The following SETD3 variants were observed in gnomAD, a reference collection of about 807,000 sequenced individuals.
SETD3 encodes actin-histidine N-methyltransferase.
SETD3 carries 19 observed loss-of-function variants against 63.0 expected under a neutral mutation model. The observed-to-expected ratio is 0.30, with a 90% CI of 0.21 to 0.44. The LOEUF (loss-of-function observed/expected upper bound fraction) is 0.44, where lower values mean the gene tolerates loss of function less well. Among genes scored for constraint, SETD3 ranks in the 20% least tolerant of loss-of-function variants. The pLI is 1.00. For synonymous variants in SETD3, 286 were observed against 264.1 expected (o/e 1.08, Z -0.80); for missense variants, 587 against 728.5 (o/e 0.81, Z 2.24).
upstream of SETD3, among the ~76,000 whole-genome samples, chr14:99,483,762 G>A (rs1304038802): frequency 1.3e-5 from 2 of 152,242 alleles, no homozygotes; most frequent in Non-Finnish European, 1.5e-5. Flanking sequence ...TACCAAACCC[G>A]AAATGTTGAT....
At chr14:99,404,398 G>A in intron 10 of SETD3, 88 bp from the exon 11 acceptor site, 2 of 1,183,818 alleles carry the variant, frequency 1.7e-6, no homozygotes, top group Non-Finnish European at 2.5e-6. Context: ...CAGCACGTGT[G>A]GTTGTCCTCA....
At chr14:99,430,451 T>A (rs1453320134) in intron 6 of SETD3, among the ~76,000 whole-genome samples, 5 of 152,228 alleles carry the variant, frequency 3.3e-5, no homozygotes, top group Non-Finnish European at 7.3e-5. Flanking sequence ...AATAATTTCA[T>A]GTTTTTAAAA....
intron 1 of SETD3, among the ~76,000 whole-genome samples, chr14:99,466,618 CGGGGG>C (rs33981608): frequency 1.7e-3 from 258 of 149,006 alleles, no homozygotes; most frequent in African/African-American, 5.9e-3. Context: ...TGAAGAATGG[CGGGGG>C]GGGGGGGGGG....
intron 6 of SETD3, among the ~76,000 whole-genome samples, chr14:99,417,524 T>C (rs1487306431): frequency 6.6e-6 from 1 of 152,244 alleles, no homozygotes; most frequent in Non-Finnish European, 1.5e-5. Flanking sequence ...ATGCAAATGT[T>C]CCAGGGTGAT....
At chr14:99,462,072 G>A (rs1407294807) in intron 3 of SETD3, among the ~76,000 whole-genome samples, 2 of 152,146 alleles carry the variant, frequency 1.3e-5, no homozygotes, top group Non-Finnish European at 2.9e-5. Flanking sequence ...GAAAATGTGA[G>A]GCTTTGGCTG....
At position 99,409,808 on chromosome 14, in the gene SETD3, G is replaced by T. The variant is rs117357445; in HGVS notation, c.849+3143C>A. The T allele has an allele frequency of 2.8e-3, 439 of 156,528 alleles. 2 individuals carry two copies. Among genetic ancestry groups the T allele is most frequent in the Non-Finnish European group, 5.2e-3 (368 of 71,236 alleles). The allele number at this position is 156,528 out of a possible 1,614,324, so 9.7% of individuals were successfully genotyped here. The stretch of plus-strand genomic sequence containing the variant: ...AACAAAGAAAAAAGATCACAATCAC[G>T]TTAACATTTTGGTTTATTTCTTTCT... On this transcript the variant is annotated intron_variant, in intron 8 of 12. Transcript: ENST00000331768.
rs562935394 is a variant in SETD3 at position 99,420,446 on chromosome 14, G to A, written c.676-6512C>T. ...AGATACACTTCTACTCTTTTTCCTG[G>A]GACAGCGGAGGAAAGCTATGACTCC... On this transcript the variant is annotated intron_variant, in intron 6 of 12. Coordinates refer to ENST00000331768, the MANE Select transcript of SETD3 (RefSeq NM_032233.3). 2.6e-5 allele frequency among the ~76,000 whole-genome samples: 4 copies of A among 152,068 alleles called. No homozygotes were observed. In the East Asian group the frequency reaches 5.8e-4, roughly 22 times the overall value.
chr14:99,421,515 A>T (rs1299180863), intron 6 of SETD3, among the ~76,000 whole-genome samples: 1 of 152,084 alleles, frequency 6.6e-6, no homozygotes. Context: ...AAGGTAACTG[A>T]CATTCAGAAT....
At chr14:99,472,414 ATAAC>A (rs1214309459) in intron 1 of SETD3, among the ~76,000 whole-genome samples, 3 of 152,252 alleles carry the variant, frequency 2.0e-5, no homozygotes, top group Non-Finnish European at 4.4e-5. Context: ...ATGGATTTAA[ATAAC>A]TACCCTTTTC....
At chr14:99,428,454 G>T (rs1893001754) in intron 6 of SETD3, among the ~76,000 whole-genome samples, 1 of 152,146 alleles carries the variant, frequency 6.6e-6, no homozygotes, top group South Asian at 2.1e-4. Context: ...AGATCAGCCT[G>T]GGCAGCAGGG....
chr14:99,413,475 G>GATTTACA, intron 7 of SETD3, among the ~76,000 whole-genome samples: 1 of 152,084 alleles, frequency 6.6e-6, no homozygotes, highest in South Asian at 2.1e-4. Flanking sequence ...GAAATCCTCT[G>GATTTACA]TGAATTGTAA....
intron 11 of SETD3, among the ~76,000 whole-genome samples, chr14:99,401,477 TTATTAG>T (rs1891385269): frequency 6.6e-6 from 1 of 152,162 alleles, no homozygotes; most frequent in Admixed American, 6.5e-5. Flanking sequence ...AACCAAACTT[TTATTAG>T]TATTAGTTAG....
chr14:99,402,155 C>T (rs529715795), intron 11 of SETD3, among the ~76,000 whole-genome samples: 16 of 152,352 alleles, frequency 1.1e-4, no homozygotes, highest in African/African-American at 3.6e-4. Flanking sequence ...TAAAGGTCTT[C>T]AGTCATACCC....
intron 1 of SETD3, among the ~76,000 whole-genome samples, chr14:99,471,456 G>A (rs181062837): frequency 3.9e-5 from 6 of 152,302 alleles, no homozygotes; most frequent in South Asian, 4.1e-4. Context: ...TTAGGGTTAC[G>A]CTTATGTAAT....
intron 1 of SETD3, among the ~76,000 whole-genome samples, chr14:99,476,076 T>C (rs544059377): frequency 1.8e-4 from 27 of 152,358 alleles, no homozygotes; most frequent in South Asian, 1.0e-3. Flanking sequence ...ATTTATTATA[T>C]GATCAGGAAT....
At chr14:99,480,524 C>T (rs1322187308) in intron 1 of SETD3, among the ~76,000 whole-genome samples, 2 of 150,814 alleles carry the variant, frequency 1.3e-5, no homozygotes. Flanking sequence ...CCCGCCGGGC[C>T]CTCCTCGCCC....
intron 1 of SETD3, among the ~76,000 whole-genome samples, chr14:99,480,154 C>G (rs1347875936): frequency 6.6e-6 from 1 of 152,182 alleles, no homozygotes; most frequent in East Asian, 1.9e-4. Flanking sequence ...CGGGAGGAGG[C>G]GGGGGCTGGT....
chr14:99,426,184 A>G (rs1016331620), intron 6 of SETD3, among the ~76,000 whole-genome samples: 2 of 152,212 alleles, frequency 1.3e-5, no homozygotes, highest in Non-Finnish European at 1.5e-5. Flanking sequence ...TCAAATCTAC[A>G]TATGACCTCC....
At chr14:99,407,593 C>T (rs1891753978) in intron 8 of SETD3, among the ~76,000 whole-genome samples, 1 of 152,168 alleles carries the variant, frequency 6.6e-6, no homozygotes, top group South Asian at 2.1e-4. Context: ...CTGAGCACGG[C>T]CGAATAAGGA....
Sources: gnomAD v4.1 joint callset for allele counts (sites outside exome capture counted in the v4.1 genomes callset) on GRCh38, gnomAD v4.1.1 for gene constraint, MANE v1.5 for transcripts, NCBI Gene and HGNC (gene_info 2026-07-23, HGNC 2026-07-21) for gene names.